Variants in ROR1 observed in about 807,000 individuals in gnomAD.
ROR1 encodes the protein ROR family WNT receptor 1, also known as inactive tyrosine-protein kinase transmembrane receptor ROR1.
In ROR1, 19 loss-of-function variants were observed where a neutral mutation model predicts 78.8. The observed-to-expected ratio is 0.24, with a 90% CI of 0.17 to 0.35. The LOEUF is 0.35. Among genes scored for constraint, ROR1 ranks in the 10% least tolerant of loss-of-function variants. ROR1 has a pLI of 1.00. For synonymous variants in ROR1, 386 were observed against 433.6 expected (o/e 0.89, Z 1.36); for missense variants, 917 against 1,177.8 (o/e 0.78, Z 3.24).
intron 1 of ROR1, among the ~76,000 whole-genome samples, chr1:63,900,225 G>C (rs552040676): frequency 6.6e-6 from 1 of 152,190 alleles, no homozygotes; most frequent in African/African-American, 2.4e-5. Flanking sequence ...AGGCCAAGGC[G>C]GGCAGATCAC....
At chr1:63,913,773 A>T (rs1330009433) in intron 1 of ROR1, among the ~76,000 whole-genome samples, 3 of 152,208 alleles carry the variant, frequency 2.0e-5, no homozygotes, top group Non-Finnish European at 2.9e-5. Context: ...GGATAAGAGC[A>T]GGGGAAAGAC....
chr1:63,778,023 G>A lies in ROR1; in HGVS notation c.91+3515G>A, dbSNP rs867360558. Among the ~76,000 whole-genome samples the A allele has an allele frequency of 7.9e-4, 121 of 152,334 alleles. 2 individuals are homozygous for A. In the Middle Eastern group the frequency reaches 0.014, roughly 17 times the overall value. On this transcript the variant is annotated intron_variant, in intron 1 of 8. Coordinates refer to ENST00000371079, the MANE Select transcript of ROR1 (RefSeq NM_005012.4). ...TCTTCTAGTATGAAAGAAGTGTAGT[G>A]TAGCAGAACTTGACAGTAAAGCTAA... is the stretch of plus-strand genomic sequence containing the variant.
rs1331844242 is a variant in ROR1 at position 64,172,088 on chromosome 1, A to G, written c.1387-5340A>G. On this transcript the variant is annotated intron_variant, in intron 8 of 8. Transcript: ENST00000371079. ...CACCAAGGTAATTACAGTTTTTAAA[A>G]ACGCTACTCATAGTTCATTGCTTTC... Among the ~76,000 whole-genome samples the G allele has an allele frequency of 2.0e-5, 3 of 152,280 alleles. No homozygotes were observed. The East Asian group carries it at 5.8e-4, about 29-fold the overall frequency.
At chr1:63,925,451 G>T (rs1298314853) in intron 1 of ROR1, among the ~76,000 whole-genome samples, 1 of 151,946 alleles carries the variant, frequency 6.6e-6, no homozygotes, top group African/African-American at 2.4e-5. Flanking sequence ...TTTTGCTATC[G>T]TGAATAATGC....
At chr1:63,948,335 A>AT (rs751698222) in intron 1 of ROR1, among the ~76,000 whole-genome samples, 4,545 of 142,618 alleles carry the variant, frequency 0.032, 172 homozygotes, top group African/African-American at 0.096. Context: ...TTGTGGTCCA[A>AT]TTTTTTTTTT....
chr1:64,102,974 A>T (rs555271367), intron 4 of ROR1, among the ~76,000 whole-genome samples: 1 of 152,154 alleles, frequency 6.6e-6, no homozygotes. Flanking sequence ...GTTGAGAATC[A>T]TTGGTCCAGA....
intron 1 of ROR1, among the ~76,000 whole-genome samples, chr1:63,883,901 A>T (rs980678628): frequency 1.3e-5 from 2 of 152,304 alleles, no homozygotes; most frequent in Non-Finnish European, 2.9e-5. Flanking sequence ...CGAGGAGGTG[A>T]GGAAGAACAC....
intron 1 of ROR1, among the ~76,000 whole-genome samples, chr1:63,824,627 A>G (rs639222): frequency 0.15 from 22,808 of 152,112 alleles, 3,225 homozygotes; most frequent in African/African-American, 0.37. Flanking sequence ...ATGATTCATA[A>G]ATGAATAATA....
chr1:63,816,445 C>T (rs918348959), intron 1 of ROR1, among the ~76,000 whole-genome samples: 1 of 152,214 alleles, frequency 6.6e-6, no homozygotes, highest in Non-Finnish European at 1.5e-5. Flanking sequence ...CTCTTTCTCT[C>T]TTTGCCTGCT....
intron 1 of ROR1, among the ~76,000 whole-genome samples, chr1:64,003,134 T>C (rs1646399419): frequency 6.6e-6 from 1 of 151,564 alleles, no homozygotes. Flanking sequence ...AGAAGATCTC[T>C]GAGCACAAGC....
chr1:64,162,769 C>T (rs1013338721), intron 8 of ROR1, among the ~76,000 whole-genome samples: 21 of 152,162 alleles, frequency 1.4e-4, no homozygotes, highest in Non-Finnish European at 2.6e-4. Context: ...ACAAATTTTA[C>T]AATCTGAGTG....
intron 4 of ROR1, among the ~76,000 whole-genome samples, chr1:64,070,109 A>G (rs1646991228): frequency 6.6e-6 from 1 of 152,166 alleles, no homozygotes; most frequent in African/African-American, 2.4e-5. Flanking sequence ...TATGTCCAGG[A>G]TCCAAATGAC....
chr1:63,909,081 T>C (rs1645549292), intron 1 of ROR1, among the ~76,000 whole-genome samples: 1 of 152,184 alleles, frequency 6.6e-6, no homozygotes, highest in Non-Finnish European at 1.5e-5. Context: ...TTTTGTGAAG[T>C]TGTGACAGCT....
At chr1:63,948,620 T>C (rs1438566998) in intron 1 of ROR1, among the ~76,000 whole-genome samples, 14 of 152,178 alleles carry the variant, frequency 9.2e-5, no homozygotes, top group Admixed American at 9.2e-4. Flanking sequence ...TTGTGTCCAC[T>C]CTCTGCTGCC....
At chr1:64,117,761 C>T (rs113872280) in intron 4 of ROR1, among the ~76,000 whole-genome samples, 26 of 152,224 alleles carry the variant, frequency 1.7e-4, no homozygotes, top group Non-Finnish European at 3.7e-4. Flanking sequence ...TGCCTTCCTC[C>T]AGCCTTGTCC....
chr1:63,958,614 A>G (rs1646002867), intron 1 of ROR1, among the ~76,000 whole-genome samples: 1 of 152,210 alleles, frequency 6.6e-6, no homozygotes, highest in South Asian at 2.1e-4. Flanking sequence ...TTAAAGTTTT[A>G]TCCTCTTACA....
intron 4 of ROR1, among the ~76,000 whole-genome samples, chr1:64,067,707 A>ATTTTTTTTTTTTTTTTT (rs1557635987): frequency 1.5e-5 from 2 of 130,414 alleles, no homozygotes; most frequent in African/African-American, 6.3e-5. Context: ...AGTTAAATAA[A>ATTTTTTTTTTTTTTTTT]TTCTTTTTTT....
intron 1 of ROR1, among the ~76,000 whole-genome samples, chr1:63,890,362 CTACTCATT>C (rs1292264580): frequency 2.0e-5 from 3 of 151,130 alleles, no homozygotes; most frequent in East Asian, 1.9e-4. Context: ...GTTATTCATT[CTACTCATT>C]TACTCATTTA....
At chr1:64,078,109 A>T (rs1451318740) in intron 4 of ROR1, among the ~76,000 whole-genome samples, 1 of 152,246 alleles carries the variant, frequency 6.6e-6, no homozygotes, top group Non-Finnish European at 1.5e-5. Flanking sequence ...CCATTGCTAC[A>T]GTTGATCAAG....
Sources: allele counts gnomAD v4.1 joint callset (sites outside exome capture counted in the v4.1 genomes callset), GRCh38; gene constraint gnomAD v4.1.1; transcripts MANE v1.5; gene names NCBI Gene and HGNC (gene_info 2026-07-23, HGNC 2026-07-21).